TENM1: variants seen among roughly 807,000 people sequenced by gnomAD.
TENM1 encodes the protein teneurin transmembrane protein 1.
A neutral mutation model predicts 174.8 loss-of-function variants in TENM1; 35 were observed. That is an observed-to-expected ratio of 0.20 (90% confidence interval 0.15 to 0.27). TENM1 has a LOEUF of 0.27. Among genes scored for constraint, TENM1 ranks in the 10% least tolerant of loss-of-function variants. The probability of loss-of-function intolerance (pLI) is 1.00; values close to 1 mark genes in which losing one functional copy is unlikely to be tolerated. For synonymous variants in TENM1, 781 were observed against 798.7 expected (o/e 0.98, Z 0.37); for missense variants, 1,633 against 2,130.1 (o/e 0.77, Z 4.59).
the TENM1 span, among the ~76,000 whole-genome samples, chrX:125,088,350 C>T: frequency 9.0e-6 from 1 of 110,807 alleles, no homozygotes; most frequent in Non-Finnish European, 1.9e-5. Flanking sequence ...TGGATGGGAT[C>T]CTGCAACAGA....
At chrX:124,815,283 T>C in intron 3 of TENM1, among the ~76,000 whole-genome samples, 1 of 111,965 alleles carries the variant, frequency 8.9e-6, no homozygotes. Flanking sequence ...AATTATATGC[T>C]GTAGCTCAAT....
intron 15 of TENM1, among the ~76,000 whole-genome samples, chrX:124,544,016 G>A (rs2048377481): frequency 8.8e-6 from 1 of 113,090 alleles, no homozygotes; most frequent in African/African-American, 3.2e-5. Flanking sequence ...GCAACATTCA[G>A]CAGCAAATCA....
chrX:124,553,188 C>G (rs1489052803), intron 14 of TENM1, among the ~76,000 whole-genome samples: 2 of 110,954 alleles, frequency 1.8e-5, no homozygotes, highest in African/African-American at 6.6e-5. Context: ...TGTAGTCACC[C>G]TGTTGTGCTA....
chrX:124,967,002 A>C (rs2058735625), upstream of TENM1, among the ~76,000 whole-genome samples: 5 of 111,884 alleles, frequency 4.5e-5, 1 homozygote, highest in South Asian at 1.9e-3. Flanking sequence ...CTCATAGCTT[A>C]ATATACACAA....
chrX:124,517,182 A>G (rs2047723646), intron 18 of TENM1, among the ~76,000 whole-genome samples: 1 of 111,032 alleles, frequency 9.0e-6, no homozygotes, highest in Non-Finnish European at 1.9e-5. Flanking sequence ...AAGGAGCAGC[A>G]AAAATAACTA....
chrX:124,496,320 T>C (rs58907358), intron 20 of TENM1, among the ~76,000 whole-genome samples: 9,659 of 111,265 alleles, frequency 0.087, 520 homozygotes, highest in African/African-American at 0.21. Context: ...TGTCTTATAA[T>C]CTCAGAAAGG....
the TENM1 span, among the ~76,000 whole-genome samples, chrX:125,117,243 C>T: frequency 1.8e-5 from 2 of 111,525 alleles, no homozygotes; most frequent in Non-Finnish European, 3.8e-5. Context: ...CATATGTACA[C>T]GTATGTTTAT....
At chrX:124,974,211 G>A in the TENM1 span, among the ~76,000 whole-genome samples, 466 of 111,630 alleles carry the variant, frequency 4.2e-3, 1 homozygote, top group African/African-American at 0.014. Context: ...CATCATAATG[G>A]CATTAATCCA....
intron 3 of TENM1, among the ~76,000 whole-genome samples, chrX:124,792,112 T>C (rs1485446476): frequency 1.8e-5 from 2 of 111,681 alleles, no homozygotes; most frequent in Non-Finnish European, 3.8e-5. Flanking sequence ...CTGAATCATT[T>C]CAATAACTCA....
intron 11 of TENM1, among the ~76,000 whole-genome samples, chrX:124,581,011 T>C (rs1482383576): frequency 2.7e-5 from 3 of 109,588 alleles, no homozygotes; most frequent in South Asian, 4.0e-4. Flanking sequence ...TTGCTTAGGA[T>C]AATGGCCTCC....
chrX:124,408,808 A>C (rs1164045684), intron 25 of TENM1, among the ~76,000 whole-genome samples: 1 of 71,592 alleles, frequency 1.4e-5, no homozygotes, highest in African/African-American at 5.3e-5. Context: ...TCCTAATGCT[A>C]TCCCTCCCCC....
chrX:124,896,335 T>C, intron 1 of TENM1, 94 bp from the exon 5 acceptor site: 1 of 942,880 alleles, frequency 1.1e-6, no homozygotes, highest in Non-Finnish European at 1.5e-6. Context: ...TCTCCCCCAT[T>C]GGTAGTAATT....
chrX:124,470,302 C>T (rs1177365194), intron 22 of TENM1, among the ~76,000 whole-genome samples: 1 of 111,331 alleles, frequency 9.0e-6, no homozygotes, highest in Non-Finnish European at 1.9e-5. Context: ...TAGAAATGTA[C>T]CTGCTTTTAT....
intron 3 of TENM1, among the ~76,000 whole-genome samples, chrX:124,837,969 G>A (rs7877668): frequency 0.052 from 5,811 of 111,522 alleles, 249 homozygotes; most frequent in African/African-American, 0.14. Context: ...TACATTGCTC[G>A]CACTTAAAGA....
the TENM1 span, among the ~76,000 whole-genome samples, chrX:125,091,160 G>GA: frequency 2.9e-5 from 3 of 104,237 alleles, no homozygotes; most frequent in African/African-American, 1.1e-4. Flanking sequence ...AAAGTAGAAA[G>GA]AAAAAAAAGA....
intron 16 of TENM1, among the ~76,000 whole-genome samples, chrX:124,524,620 C>T (rs1269374141): frequency 9.0e-6 from 1 of 111,438 alleles, no homozygotes; most frequent in South Asian, 3.8e-4. Flanking sequence ...TTTTGTAAGA[C>T]AGCCTGTAAT....
intron 3 of TENM1, among the ~76,000 whole-genome samples, chrX:124,822,654 CAG>C (rs916158000): frequency 4.5e-5 from 5 of 111,823 alleles, no homozygotes; most frequent in African/African-American, 1.6e-4. Context: ...AGCAAGCTTC[CAG>C]AGAGTAAGTT....
At chrX:125,160,453 G>C in the TENM1 span, among the ~76,000 whole-genome samples, 1 of 99,883 alleles carries the variant, frequency 1.0e-5, no homozygotes, top group Non-Finnish European at 2.0e-5. Flanking sequence ...GTTGAGGTAG[G>C]AGAATTGCTT....
chrX:124,476,735 A>G (rs2046734546), intron 22 of TENM1, among the ~76,000 whole-genome samples: 1 of 112,418 alleles, frequency 8.9e-6, no homozygotes, highest in Non-Finnish European at 1.9e-5. Context: ...ATTCTGCTTA[A>G]GTACTTGGTC....
Sources: gnomAD v4.1 joint callset for allele counts (sites outside exome capture counted in the v4.1 genomes callset) on GRCh38, gnomAD v4.1.1 for gene constraint, MANE v1.5 for transcripts, NCBI Gene and HGNC (gene_info 2026-07-23, HGNC 2026-07-21) for gene names.